C10orf90: variants seen among roughly 807,000 people sequenced by gnomAD.
The protein encoded by C10orf90 is (E2-independent) E3 ubiquitin-conjugating enzyme FATS.
Under a neutral mutation model 62.5 loss-of-function variants are expected in C10orf90, and 56 were observed. That is an observed-to-expected ratio of 0.90 (90% confidence interval 0.72 to 1.12). The LOEUF (loss-of-function observed/expected upper bound fraction) is 1.12, where lower values mean the gene tolerates loss of function less well. Ranked by LOEUF, C10orf90 falls within the 50% of genes most tolerant of loss-of-function variation. The pLI, the probability that C10orf90 is intolerant of heterozygous loss-of-function variation, is 0.00. For missense variants in C10orf90, 970 were observed against 880.4 expected (o/e 1.10, Z -1.29); for synonymous variants, 386 against 340.4 (o/e 1.13, Z -1.47).
At chr10:126,579,600 A>G (rs2134013901) in intron 2 of C10orf90, among the ~76,000 whole-genome samples, 1 of 152,324 alleles carries the variant, frequency 6.6e-6, no homozygotes, top group Admixed American at 6.5e-5. Flanking sequence ...CTGTTCACAG[A>G]CCATTTGAAA....
intron 4 of C10orf90, among the ~76,000 whole-genome samples, chr10:126,502,130 A>C (rs1315377658): frequency 6.0e-5 from 9 of 149,356 alleles, no homozygotes; most frequent in Admixed American, 5.3e-4. Flanking sequence ...ACACACACAC[A>C]ACACACACAC....
intron 4 of C10orf90, chr10:126,496,582 AT>A: frequency 2.4e-6 from 2 of 841,446 alleles, no homozygotes; most frequent in Non-Finnish European, 2.9e-6. Context: ...ATTTTGAGAC[AT>A]TTCCCCCGCC....
intron 2 of C10orf90, among the ~76,000 whole-genome samples, chr10:126,585,287 G>T (rs1418128331): frequency 6.7e-6 from 1 of 148,876 alleles, no homozygotes; most frequent in Non-Finnish European, 1.5e-5. Context: ...AAGAAACAAA[G>T]AAAGCAAGCA....
intron 4 of C10orf90, among the ~76,000 whole-genome samples, chr10:126,473,411 T>A (rs1860692215): frequency 6.6e-6 from 1 of 152,202 alleles, no homozygotes; most frequent in South Asian, 2.1e-4. Context: ...CATTTTGGCA[T>A]CGTAGGCCAC....
At chr10:126,580,525 C>T (rs1196608399) in intron 2 of C10orf90, among the ~76,000 whole-genome samples, 3 of 151,888 alleles carry the variant, frequency 2.0e-5, no homozygotes, top group African/African-American at 4.8e-5. Flanking sequence ...CAGTGGTGGG[C>T]GCCTGTAGTC....
At chr10:126,600,812 T>C (rs1323111386) in intron 2 of C10orf90, among the ~76,000 whole-genome samples, 1 of 152,142 alleles carries the variant, frequency 6.6e-6, no homozygotes, top group African/African-American at 2.4e-5. Context: ...TGAGGGACAC[T>C]GAGGATCCAG....
At chr10:126,644,094 G>A (rs368671013) in intron 2 of C10orf90, among the ~76,000 whole-genome samples, 17 of 152,326 alleles carry the variant, frequency 1.1e-4, no homozygotes, top group South Asian at 8.3e-4. Context: ...GCCCACGATT[G>A]GAGAGAATCC....
intron 2 of C10orf90, among the ~76,000 whole-genome samples, chr10:126,527,257 C>A (rs7090086): frequency 6.6e-6 from 1 of 152,062 alleles, no homozygotes; most frequent in East Asian, 1.9e-4. Context: ...GCCATTCCAG[C>A]GGGTGTGAAG....
rs964808992 is a variant in C10orf90, at chr10:126,461,698, A to G, written c.1826-113T>C. ...TTGAAAATAGAAACGCCAGTGGACT[A>G]TTAATGGGCCTCGTTAAGCTGACAA... is the stretch of plus-strand genomic sequence containing the variant. On this transcript the variant is annotated intron_variant, in intron 5 of 9. Coordinates refer to ENST00000488181, the MANE Select transcript of C10orf90 (RefSeq NM_001350921.2). 9.4e-6 allele frequency: 10 copies of G among 1,064,410 alleles called. No individual in the cohort carries two copies. In the African/African-American group the frequency reaches 9.8e-5, roughly 10 times the overall value. The allele number at this position is 1,064,410 out of a possible 1,614,324, so 65.9% of individuals were successfully genotyped here. A position where few individuals can be genotyped will look rare whatever the true frequency, so the allele number is the denominator to read the frequency against.
At chr10:126,557,857 A>C (rs1046011775) in intron 2 of C10orf90, among the ~76,000 whole-genome samples, 1 of 151,736 alleles carries the variant, frequency 6.6e-6, no homozygotes, top group South Asian at 2.1e-4. Flanking sequence ...TTGACCATCG[A>C]GATGAGTTGG....
chr10:126,649,077 C>CGCCG (rs1554932161), intron 1 of C10orf90, among the ~76,000 whole-genome samples: 1 of 118,000 alleles, frequency 8.5e-6, no homozygotes, highest in African/African-American at 3.3e-5. Context: ...TCTCTCCCCC[C>CGCCG]CCCCCAGCAA....
chr10:126,514,614 T>A (rs550693782), intron 2 of C10orf90, among the ~76,000 whole-genome samples: 28 of 152,272 alleles, frequency 1.8e-4, no homozygotes, highest in Non-Finnish European at 3.7e-4. Flanking sequence ...TATCTATGGA[T>A]CTATTCTGCC....
Position 126,570,612 on chromosome 10 carries a change from T to C in C10orf90, c.314-56673A>G, listed in dbSNP as rs78349903. Among the ~76,000 whole-genome samples the C allele has an allele frequency of 1.3e-4, 20 of 152,180 alleles. 1 individual carries two copies. The East Asian group carries it at 2.3e-3, about 18-fold the overall frequency. ...TATCTCATGGGAATCTCAGAAAGGG[T>C]TTTTTGAGCCATTGTAAAATCATTC... is the stretch of plus-strand genomic sequence containing the variant. On this transcript the variant is annotated intron_variant, in intron 2 of 9. Coordinates refer to ENST00000488181, the MANE Select transcript of C10orf90 (RefSeq NM_001350921.2).
rs1321789991 is a variant in C10orf90 at position 126,425,784 on chromosome 10, A to T, written c.*80T>A. The T allele has an allele frequency of 7.1e-7, 1 of 1,400,326 alleles. No homozygotes were observed. Among genetic ancestry groups the T allele is most frequent in the Non-Finnish European group, 9.8e-7 (1 of 1,025,120 alleles). The allele number at this position is 1,400,326 out of a possible 1,614,324, so 86.7% of individuals were successfully genotyped here. A position where few individuals can be genotyped will look rare whatever the true frequency, so the allele number is the denominator to read the frequency against. On this transcript the variant is annotated 3_prime_UTR_variant, in exon 10 of 10. Transcript: ENST00000488181. ...AAATAAGTGTTTTCCCATGATGAAG[A>T]TAATGCTAAGTTTAATGGCTTATCC...
chr10:126,439,215 T>C (rs1250666369), intron 7 of C10orf90, among the ~76,000 whole-genome samples: 1 of 152,136 alleles, frequency 6.6e-6, no homozygotes, highest in Non-Finnish European at 1.5e-5. Flanking sequence ...ATATTGGCAA[T>C]TGTCAACCTC....
At position 126,523,453 on chromosome 10, in the gene C10orf90, G is replaced by T. The variant is rs140826506; in HGVS notation, c.314-9514C>A. The stretch of plus-strand genomic sequence containing the variant: ...ACAGCAAAGATGCAGAGAACACAAG[G>T]AATCCCTGTCTTGGAAGAACTCACA... On this transcript the variant is annotated intron_variant, in intron 2 of 9. Transcript: ENST00000488181. 1.7e-4 allele frequency: 26 copies of T among 149,296 alleles called. 1 individual carries two copies. The highest frequency in any genetic ancestry group is 6.2e-4 in the African/African-American group (25 of 40,194). The allele number at this position is 149,296 out of a possible 1,614,324, so 9.2% of individuals were successfully genotyped here. A position where few individuals can be genotyped will look rare whatever the true frequency, so the allele number is the denominator to read the frequency against.
chr10:126,651,566 C>T (rs566686238), intron 1 of C10orf90, among the ~76,000 whole-genome samples: 3 of 152,076 alleles, frequency 2.0e-5, no homozygotes, highest in South Asian at 2.1e-4. Flanking sequence ...GAATACTCAT[C>T]GCCAGCTTCT....
At chr10:126,442,012 T>C (rs1048338597) in intron 7 of C10orf90, among the ~76,000 whole-genome samples, 3 of 151,968 alleles carry the variant, frequency 2.0e-5, no homozygotes, top group African/African-American at 4.8e-5. Context: ...CCAAGGTACA[T>C]AGGCAATAAA....
chr10:126,626,507 G>A (rs1402261792), intron 2 of C10orf90, among the ~76,000 whole-genome samples: 5 of 152,162 alleles, frequency 3.3e-5, no homozygotes, highest in African/African-American at 4.8e-5. Context: ...GTCTTGCCTC[G>A]TGTGTGAAGG....
Sources: gnomAD v4.1 joint callset for allele counts (sites outside exome capture counted in the v4.1 genomes callset) on GRCh38, gnomAD v4.1.1 for gene constraint, MANE v1.5 for transcripts, NCBI Gene and HGNC (gene_info 2026-07-23, HGNC 2026-07-21) for gene names.